Variants in SVEP1 observed in about 807,000 individuals in gnomAD.
The protein encoded by SVEP1 is sushi, von Willebrand factor type A, EGF and pentraxin domain-containing protein 1.
A neutral mutation model predicts 367.3 loss-of-function variants in SVEP1; 164 were observed. That is an observed-to-expected ratio of 0.45 (90% confidence interval 0.39 to 0.51). The LOEUF (loss-of-function observed/expected upper bound fraction) is 0.51, where lower values mean the gene tolerates loss of function less well. Among genes scored for constraint, SVEP1 ranks in the 20% least tolerant of loss-of-function variants. The pLI, the probability that SVEP1 is intolerant of heterozygous loss-of-function variation, is 0.00. For synonymous variants in SVEP1, 1,666 were observed against 1,611.6 expected (o/e 1.03, Z -0.81); for missense variants, 4,117 against 4,425.3 (o/e 0.93, Z 1.98).
At chr9:110,381,966 C>G (rs1373590676) in intron 43 of SVEP1, among the ~76,000 whole-genome samples, 1 of 152,148 alleles carries the variant, frequency 6.6e-6, no homozygotes, top group Non-Finnish European at 1.5e-5. Context: ...TTGATCTTCG[C>G]TGGTTTAAAA....
intron 24 of SVEP1, among the ~76,000 whole-genome samples, chr9:110,447,365 T>C (rs1828619465): frequency 6.6e-6 from 1 of 152,270 alleles, no homozygotes; most frequent in South Asian, 2.1e-4. Flanking sequence ...GTTCAAATGC[T>C]GTTCTAAAGG....
intron 6 of SVEP1, 111 bp from the exon 7 acceptor site, chr9:110,499,349 A>C: frequency 1.0e-6 from 1 of 969,870 alleles, no homozygotes; most frequent in African/African-American, 1.6e-5. Flanking sequence ...ATTTACGTAA[A>C]TTGCTAAATG....
intron 3 of SVEP1, among the ~76,000 whole-genome samples, chr9:110,537,169 G>A (rs190506096): frequency 6.6e-6 from 1 of 152,014 alleles, no homozygotes; most frequent in African/African-American, 2.4e-5. Flanking sequence ...AGAATTGAGT[G>A]ACATCAATTT....
chr9:110,449,925 G>A (rs2095294), intron 24 of SVEP1, 134 bp downstream of exon 24: 859,133 of 1,028,654 alleles, frequency 0.84, 360,253 homozygotes, highest in East Asian at 0.99. Context: ...GGAATATTCA[G>A]CTGTAGCCTA....
intron 43 of SVEP1, among the ~76,000 whole-genome samples, chr9:110,385,346 T>C (rs1480930341): frequency 6.6e-6 from 1 of 152,226 alleles, no homozygotes; most frequent in African/African-American, 2.4e-5. Context: ...ATCACAAGGC[T>C]GAAAAAGATG....
chr9:110,465,718 A>C (rs945141448), intron 18 of SVEP1, 147 bp downstream of exon 18: 19 of 1,091,830 alleles, frequency 1.7e-5, no homozygotes, highest in African/African-American at 3.2e-5. Flanking sequence ...AAAGAAACTA[A>C]ACAAACAAAA....
At chr9:110,538,641 C>T (rs978357984) in intron 3 of SVEP1, among the ~76,000 whole-genome samples, 4 of 152,086 alleles carry the variant, frequency 2.6e-5, no homozygotes, top group Admixed American at 6.6e-5. Flanking sequence ...ATAGCTGGAG[C>T]TTTGGCTCAA....
chr9:110,416,752 T>A (rs898697212), intron 36 of SVEP1, among the ~76,000 whole-genome samples: 1 of 152,016 alleles, frequency 6.6e-6, no homozygotes, highest in Non-Finnish European at 1.5e-5. Flanking sequence ...TTTTAAAAAG[T>A]AACCAAAGAG....
chr9:110,436,623 A>G (rs1828434109), intron 27 of SVEP1, 119 bp from the exon 28 acceptor site: 8 of 1,402,324 alleles, frequency 5.7e-6, no homozygotes, highest in African/African-American at 1.4e-5. Context: ...ATTACTGAAA[A>G]GCAAAATTCT....
rs1260681052 is a variant in SVEP1 at position 110,445,914 on chromosome 9, G to A, written c.4386C>T (p.Asp1462=). The A allele has an allele frequency of 1.2e-6, 2 of 1,613,844 alleles. No homozygotes were observed. Among genetic ancestry groups the A allele is most frequent in the Admixed American group, 1.7e-5 (1 of 59,990 alleles). ...TCTFWMKSSD[D]MNYGTPISYA... Reference sequence around the variant, plus strand: ...AGGAGATTGGTGTTCCATAGTTCATGTCGTCAGAGGATTTCATCCAGAAGG... The same window carrying A: ...AGGAGATTGGTGTTCCATAGTTCATATCGTCAGAGGATTTCATCCAGAAGG... Residue 1462 remains aspartate, a synonymous_variant, in exon 26 of 48, where the codon GAC becomes GAT. Coordinates refer to ENST00000374469, the MANE Select transcript of SVEP1 (RefSeq NM_153366.4).
At chr9:110,375,486 A>G (rs960228109) in intron 45 of SVEP1, 23 bp from the exon 46 acceptor site, 1 of 1,463,000 alleles carries the variant, frequency 6.8e-7, no homozygotes, top group South Asian at 1.3e-5. Context: ...AAAAAAAAAA[A>G]AAAAGGAGGC....
rs1432196886 is a variant in SVEP1 at position 110,574,123 on chromosome 9, C to A, written c.531+4890G>T. 2.6e-5 allele frequency among the ~76,000 whole-genome samples: 4 copies of A among 152,210 alleles called. No individual in the cohort carries two copies. The East Asian group carries it at 7.7e-4, about 29-fold the overall frequency. ...TTAATCCTTTTTGTTTGGTCAGTCC[C>A]ATCTGCTGAGAAATAACAGCAAATT... On this transcript the variant is annotated intron_variant, in intron 1 of 47. Coordinates refer to ENST00000374469, the MANE Select transcript of SVEP1 (RefSeq NM_153366.4).
At chr9:110,428,399 AACAC>A (rs113743775) in intron 35 of SVEP1, among the ~76,000 whole-genome samples, 4 of 120,224 alleles carry the variant, frequency 3.3e-5, no homozygotes, top group Admixed American at 8.2e-5. Flanking sequence ...CCTCTGTTTA[AACAC>A]ACACACACAC....
chr9:110,370,849 A>AT (rs1481888255), intron 46 of SVEP1, among the ~76,000 whole-genome samples: 2 of 152,228 alleles, frequency 1.3e-5, no homozygotes, highest in Non-Finnish European at 2.9e-5. Flanking sequence ...AGCTGGAAGT[A>AT]AGAACCATTC....
In SVEP1 at chr9:110,443,669, C is replaced by G; in HGVS notation, c.4515G>C (p.Val1505=). The G allele has an allele frequency of 6.2e-7, 1 of 1,611,434 alleles. No homozygotes were observed. The highest frequency in any genetic ancestry group is 8.5e-7 in the Non-Finnish European group (1 of 1,178,836). The change falls in exon 27 of 48, where the codon GTG becomes GTC. Residue 1505 remains valine, a synonymous_variant. Transcript: ENST00000374469. ...CAATATGATGCCATCTGCCATCATT[C>G]ACCGAGGGACAGTTTGTTATCTTTT... ...GREKITNCPS[V]NDGRWHHIAI...
At chr9:110,424,051 A>G (rs776681950) in intron 36 of SVEP1, among the ~76,000 whole-genome samples, 2 of 152,224 alleles carry the variant, frequency 1.3e-5, no homozygotes, top group Non-Finnish European at 2.9e-5. Context: ...TATTGTTTAG[A>G]GTGTTAACTG....
chr9:110,443,861 C>A (rs4304395), intron 26 of SVEP1, 141 bp from the exon 27 acceptor site: 86,677 of 618,390 alleles, frequency 0.14, 7,274 homozygotes, highest in South Asian at 0.2. Context: ...TTTTTTTTCT[C>A]CATTTGGTCA....
intron 3 of SVEP1, among the ~76,000 whole-genome samples, chr9:110,524,718 T>TATTATTATTATTATTATTATTAC (rs35477110): frequency 2.9e-4 from 42 of 143,826 alleles, no homozygotes; most frequent in African/African-American, 1.0e-3. Flanking sequence ...TTATTATTAC[T>TATTATTATTATTATTATTATTAC]TTTTTTTTTT....
At chr9:110,371,361 T>C (rs1213527015) in intron 46 of SVEP1, among the ~76,000 whole-genome samples, 3 of 152,184 alleles carry the variant, frequency 2.0e-5, no homozygotes, top group African/African-American at 7.2e-5. Context: ...TTAAGCCTCC[T>C]TCCCTATCAC....
Sources: gnomAD v4.1 joint callset for allele counts (sites outside exome capture counted in the v4.1 genomes callset) on GRCh38, gnomAD v4.1.1 for gene constraint, MANE v1.5 for transcripts, NCBI Gene and HGNC (gene_info 2026-07-23, HGNC 2026-07-21) for gene names.